Variants in TEAD1 observed in about 807,000 individuals in gnomAD.
TEAD1 encodes the protein TEA domain transcription factor 1, also known as transcriptional enhancer factor TEF-1.
Under a neutral mutation model 54.9 loss-of-function variants are expected in TEAD1, and 9 were observed. That is an observed-to-expected ratio of 0.16 (90% CI 0.10 to 0.29). The LOEUF is 0.29. TEAD1 is among the 10% of genes least tolerant of loss of function. The probability of loss-of-function intolerance (pLI) is 1.00; values close to 1 mark genes in which losing one functional copy is unlikely to be tolerated. For synonymous variants in TEAD1, 200 were observed against 187.8 expected (o/e 1.07, Z -0.53); for missense variants, 387 against 535.9 (o/e 0.72, Z 2.74).
intron 3 of TEAD1, among the ~76,000 whole-genome samples, chr11:12,855,681 C>T (rs1020747801): frequency 4.0e-5 from 6 of 151,872 alleles, no homozygotes; most frequent in East Asian, 3.9e-4. Flanking sequence ...CAGTAGTTCA[C>T]GCCTGTAATC....
intron 10 of TEAD1, among the ~76,000 whole-genome samples, chr11:12,919,770 G>A (rs896533218): frequency 6.6e-6 from 1 of 152,170 alleles, no homozygotes; most frequent in African/African-American, 2.4e-5. Context: ...AAAGTGCTGG[G>A]ATTATAGGTG....
At chr11:12,872,927 A>G (rs11022526) in intron 5 of TEAD1, among the ~76,000 whole-genome samples, 1,567 of 152,282 alleles carry the variant, frequency 0.01, 11 homozygotes, top group Non-Finnish European at 0.017. Flanking sequence ...GTCCTGAACA[A>G]AAGTGTTTTT....
intron 3 of TEAD1, among the ~76,000 whole-genome samples, chr11:12,820,632 C>CA (rs1946525708): frequency 1.3e-5 from 2 of 152,094 alleles, no homozygotes; most frequent in South Asian, 2.1e-4. Context: ...TGCGATTATA[C>CA]AAAAAACGTA....
At chr11:12,907,077 ACTT>A (rs1472859599) in intron 10 of TEAD1, among the ~76,000 whole-genome samples, 1 of 152,194 alleles carries the variant, frequency 6.6e-6, no homozygotes, top group African/African-American at 2.4e-5. Flanking sequence ...ATACTGCTAA[ACTT>A]CTTTTTTATG....
chr11:12,845,281 A>G (rs1402478651), intron 3 of TEAD1, among the ~76,000 whole-genome samples: 2 of 152,088 alleles, frequency 1.3e-5, no homozygotes, highest in African/African-American at 4.8e-5. Flanking sequence ...TATATGAGGA[A>G]GTGGTGTCCT....
intron 3 of TEAD1, among the ~76,000 whole-genome samples, chr11:12,773,058 C>CA (rs1223005735): frequency 6.6e-6 from 1 of 152,096 alleles, no homozygotes; most frequent in African/African-American, 2.4e-5. Flanking sequence ...GGCTTTTTTT[C>CA]AACTCAGCTT....
chr11:12,706,406 C>T (rs1943815521), intron 2 of TEAD1, among the ~76,000 whole-genome samples: 1 of 152,188 alleles, frequency 6.6e-6, no homozygotes. Flanking sequence ...AACTACTTAT[C>T]TGTGAATCAG....
chr11:12,750,364 C>G (rs1944845412), intron 2 of TEAD1, among the ~76,000 whole-genome samples: 1 of 152,080 alleles, frequency 6.6e-6, no homozygotes, highest in Non-Finnish European at 1.5e-5. Context: ...TCCCATGGCT[C>G]TGGGTTGTTT....
intron 2 of TEAD1, among the ~76,000 whole-genome samples, chr11:12,698,118 T>C (rs1320973314): frequency 6.6e-6 from 1 of 151,758 alleles, no homozygotes; most frequent in Non-Finnish European, 1.5e-5. Flanking sequence ...TAATAAAAAA[T>C]AACATGTTCA....
chr11:12,848,364 G>A (rs1470560750), intron 3 of TEAD1, among the ~76,000 whole-genome samples: 1 of 152,188 alleles, frequency 6.6e-6, no homozygotes, highest in Non-Finnish European at 1.5e-5. Context: ...TATTGTGGAT[G>A]AGAAATTAGA....
At chr11:12,775,499 C>T (rs770400973) in intron 3 of TEAD1, among the ~76,000 whole-genome samples, 2 of 152,126 alleles carry the variant, frequency 1.3e-5, no homozygotes, top group Non-Finnish European at 2.9e-5. Flanking sequence ...GAAAGCGTGT[C>T]TCTGATTTAT....
chr11:12,898,901 C>A (rs1948368601), intron 9 of TEAD1, among the ~76,000 whole-genome samples: 1 of 152,168 alleles, frequency 6.6e-6, no homozygotes, highest in Non-Finnish European at 1.5e-5. Flanking sequence ...CTTCATGGTC[C>A]CCATTGGTAT....
chr11:12,843,629 C>G (rs1438414945), intron 3 of TEAD1, among the ~76,000 whole-genome samples: 5 of 152,170 alleles, frequency 3.3e-5, no homozygotes, highest in Admixed American at 2.0e-4. Flanking sequence ...AAAGCTAAAT[C>G]TTTTCAAATC....
intron 2 of TEAD1, among the ~76,000 whole-genome samples, chr11:12,695,751 C>T (rs1413811399): frequency 6.6e-6 from 1 of 152,198 alleles, no homozygotes; most frequent in African/African-American, 2.4e-5. Flanking sequence ...TTAACCTTTA[C>T]ACTGAACAGA....
intron 10 of TEAD1, among the ~76,000 whole-genome samples, chr11:12,909,850 C>T (rs1589980787): frequency 6.6e-6 from 1 of 152,146 alleles, no homozygotes. Context: ...CGGAAAATTA[C>T]GCATTGATGT....
intron 2 of TEAD1, among the ~76,000 whole-genome samples, chr11:12,717,146 C>A (rs758029826): frequency 3.3e-5 from 5 of 152,230 alleles, no homozygotes; most frequent in East Asian, 3.8e-4. Context: ...TTATACTGAT[C>A]ATAGACTATA....
chr11:12,889,754 C>T (rs183609596), intron 9 of TEAD1, among the ~76,000 whole-genome samples: 2 of 152,104 alleles, frequency 1.3e-5, no homozygotes, highest in Non-Finnish European at 2.9e-5. Flanking sequence ...CAGGGTCTCA[C>T]TGCATTGCCC....
intron 10 of TEAD1, among the ~76,000 whole-genome samples, chr11:12,917,750 G>A (rs551765456): frequency 5.9e-5 from 9 of 152,306 alleles, no homozygotes; most frequent in East Asian, 3.9e-4. Flanking sequence ...TCAGCTTAGC[G>A]TTTAGGGTCT....
chr11:12,730,192 G>A (rs954493436), intron 2 of TEAD1, among the ~76,000 whole-genome samples: 5 of 152,078 alleles, frequency 3.3e-5, no homozygotes, highest in South Asian at 2.1e-4. Context: ...GGTTATGCAC[G>A]GAGGAGTAAA....
Sources: allele counts gnomAD v4.1 joint callset (sites outside exome capture counted in the v4.1 genomes callset), GRCh38; gene constraint gnomAD v4.1.1; transcripts MANE v1.5; gene names NCBI Gene and HGNC (gene_info 2026-07-23, HGNC 2026-07-21).